The following PCNX2 variants were observed in gnomAD, a reference collection of about 807,000 sequenced individuals.
PCNX2 encodes pecanex 2, also known as pecanex-like protein 2.
A neutral mutation model predicts 223.8 loss-of-function variants in PCNX2; 168 were observed. That is an observed-to-expected ratio of 0.75 (90% confidence interval 0.66 to 0.85). The LOEUF is 0.85. Among genes scored for constraint, PCNX2 ranks in the 40% least tolerant of loss-of-function variants. The pLI, the probability that PCNX2 is intolerant of heterozygous loss-of-function variation, is 0.00. For synonymous variants in PCNX2, 1,006 were observed against 1,052.6 expected (o/e 0.96, Z 0.86); for missense variants, 2,507 against 2,675.5 (o/e 0.94, Z 1.39).
chr1:233,006,016 G>C (rs1670271828), intron 28 of PCNX2, among the ~76,000 whole-genome samples: 1 of 152,154 alleles, frequency 6.6e-6, no homozygotes. Context: ...CACAGGGGCA[G>C]AGAGGGCAGG....
At position 233,291,422 on chromosome 1, in the gene PCNX2, C is replaced by T. The variant is rs61568386; in HGVS notation, c.153+3904G>A. Among the ~76,000 whole-genome samples the T allele has an allele frequency of 5.3e-3, 802 of 152,092 alleles. 4 individuals carry two copies. The highest frequency in any genetic ancestry group is 0.018 in the African/African-American group (759 of 41,466). ...GTCGGGAGTTCAAGACCAGCTTGAC[C>T]AACATGGAGAAACCCCACCTCTACT... is the stretch of plus-strand genomic sequence containing the variant. On this transcript the variant is annotated intron_variant, in intron 1 of 33. Coordinates refer to ENST00000258229, the MANE Select transcript of PCNX2 (RefSeq NM_014801.4).
At chr1:233,285,519 C>G (rs1031843353) in intron 1 of PCNX2, among the ~76,000 whole-genome samples, 4 of 148,380 alleles carry the variant, frequency 2.7e-5, no homozygotes, top group African/African-American at 1.0e-4. Flanking sequence ...ACTAAAAATA[C>G]AAAAAATTAG....
upstream of PCNX2, among the ~76,000 whole-genome samples, chr1:233,296,459 T>C (rs779472375): frequency 6.6e-6 from 1 of 152,196 alleles, no homozygotes; most frequent in East Asian, 1.9e-4. Context: ...TTAGTCTAAA[T>C]CTCTCTATGC....
chr1:233,027,417 C>G (rs931049290), intron 25 of PCNX2, among the ~76,000 whole-genome samples: 8 of 152,174 alleles, frequency 5.3e-5, no homozygotes, highest in Non-Finnish European at 1.2e-4. Context: ...CCTTATTGCA[C>G]AGGCTAGGAT....
chr1:232,984,207 C>A lies in PCNX2; in HGVS notation c.*97G>T. On this transcript the variant is annotated 3_prime_UTR_variant, in exon 34 of 34. Transcript: ENST00000258229. The stretch of plus-strand genomic sequence containing the variant: ...CACAGGAGGAGTCCCTCATGGATCG[C>A]GGTATTGGTTGGTTGTGGTGATTTG... 9.1e-7 allele frequency: 1 copy of A among 1,093,374 alleles called. No homozygotes were observed. The highest frequency in any genetic ancestry group is 1.2e-6 in the Non-Finnish European group (1 of 850,382). 67.7% of individuals were successfully genotyped at this position (1,093,374 alleles called of 1,614,324 possible).
intron 21 of PCNX2, among the ~76,000 whole-genome samples, chr1:233,103,683 T>A (rs1337503324): frequency 6.6e-6 from 1 of 152,204 alleles, no homozygotes; most frequent in Non-Finnish European, 1.5e-5. Context: ...CATTTACCTA[T>A]TGATGGACAC....
intron 8 of PCNX2, among the ~76,000 whole-genome samples, chr1:233,241,764 G>C (rs1361516795): frequency 6.6e-6 from 1 of 151,932 alleles, no homozygotes; most frequent in African/African-American, 2.4e-5. Context: ...CATGGTACTG[G>C]GTATATCTAA....
intron 24 of PCNX2, among the ~76,000 whole-genome samples, chr1:233,056,173 A>G (rs977416417): frequency 2.6e-5 from 4 of 152,204 alleles, no homozygotes; most frequent in Non-Finnish European, 5.9e-5. Flanking sequence ...TCTCTAATGA[A>G]GCAGCACGCA....
intron 15 of PCNX2, among the ~76,000 whole-genome samples, chr1:233,193,874 A>G (rs1274033188): frequency 6.6e-6 from 1 of 152,178 alleles, no homozygotes; most frequent in Admixed American, 6.5e-5. Context: ...CCAAAGAAGG[A>G]AAAAAGAGTG....
chr1:233,024,377 A>G (rs974737937), intron 26 of PCNX2, among the ~76,000 whole-genome samples: 1 of 152,188 alleles, frequency 6.6e-6, no homozygotes, highest in Non-Finnish European at 1.5e-5. Context: ...CTTTTTGAAC[A>G]GCATTAAGAG....
At chr1:233,191,682 A>G (rs1441288342) in intron 15 of PCNX2, among the ~76,000 whole-genome samples, 1 of 152,208 alleles carries the variant, frequency 6.6e-6, no homozygotes, top group Non-Finnish European at 1.5e-5. Flanking sequence ...CATTTGAAAG[A>G]CAGTAGTGCA....
intron 12 of PCNX2, among the ~76,000 whole-genome samples, chr1:233,216,519 C>T (rs1405454747): frequency 6.6e-6 from 1 of 152,100 alleles, no homozygotes; most frequent in Non-Finnish European, 1.5e-5. Flanking sequence ...GTTATGATAG[C>T]TTTAATCAAA....
intron 1 of PCNX2, chr1:233,291,061 C>T: frequency 2.0e-6 from 2 of 985,416 alleles, no homozygotes; most frequent in Non-Finnish European, 2.4e-6. Context: ...CACGGTTTCA[C>T]AGCCTTCAAA....
At chr1:233,319,851 A>G in the PCNX2 span, among the ~76,000 whole-genome samples, 1 of 152,222 alleles carries the variant, frequency 6.6e-6, no homozygotes, top group African/African-American at 2.4e-5. Flanking sequence ...TTATAGCTTT[A>G]TTTTAAAGAT....
chr1:233,130,112 C>T (rs1055657300), intron 21 of PCNX2, among the ~76,000 whole-genome samples: 1 of 152,122 alleles, frequency 6.6e-6, no homozygotes, highest in Admixed American at 6.5e-5. Flanking sequence ...AGGTCTGCAG[C>T]CTCACTCCTG....
intron 23 of PCNX2, among the ~76,000 whole-genome samples, chr1:233,065,173 G>A (rs572046658): frequency 9.2e-5 from 14 of 152,012 alleles, no homozygotes; most frequent in African/African-American, 2.4e-4. Flanking sequence ...AAATACACTC[G>A]GCAACCACAC....
intron 32 of PCNX2, among the ~76,000 whole-genome samples, chr1:232,996,512 T>G (rs1669879338): frequency 7.5e-6 from 1 of 132,560 alleles, no homozygotes; most frequent in South Asian, 2.7e-4. Flanking sequence ...GTAAACAGCA[T>G]GGGGTGGGTG....
chr1:233,134,909 C>T (rs1676718316), intron 21 of PCNX2, 104 bp downstream of exon 21: 1 of 981,738 alleles, frequency 1.0e-6, no homozygotes, highest in African/African-American at 1.7e-5. Flanking sequence ...TTCATATCCT[C>T]CCATAATTTT....
At chr1:233,153,257 C>A (rs186392671) in intron 19 of PCNX2, among the ~76,000 whole-genome samples, 1 of 152,170 alleles carries the variant, frequency 6.6e-6, no homozygotes, top group South Asian at 2.1e-4. Flanking sequence ...TTCTCAGGGG[C>A]GACTGAGGAC....
Sources: gnomAD v4.1 joint callset for allele counts (sites outside exome capture counted in the v4.1 genomes callset) on GRCh38, gnomAD v4.1.1 for gene constraint, MANE v1.5 for transcripts, NCBI Gene and HGNC (gene_info 2026-07-23, HGNC 2026-07-21) for gene names.